JARID2: variants seen among roughly 807,000 people sequenced by gnomAD.
The protein encoded by JARID2 is jumonji and AT-rich interaction domain containing 2.
JARID2 carries 21 observed loss-of-function variants against 125.6 expected under a neutral mutation model. That is an observed-to-expected ratio of 0.17 (90% CI 0.12 to 0.24). JARID2 has a LOEUF of 0.24. JARID2 is among the 10% of genes least tolerant of loss of function. JARID2 has a pLI of 1.00. For missense variants in JARID2, 1,303 were observed against 1,639.6 expected (o/e 0.79, Z 3.55); for synonymous variants, 736 against 661.6 (o/e 1.11, Z -1.73).
At chr6:15,365,460 G>A (rs953699465) in intron 1 of JARID2, among the ~76,000 whole-genome samples, 1 of 152,128 alleles carries the variant, frequency 6.6e-6, no homozygotes, top group Non-Finnish European at 1.5e-5. Context: ...CCTTGACGAC[G>A]GCGGATGTCT....
At chr6:15,391,489 GGA>G (rs1561832377) in intron 2 of JARID2, among the ~76,000 whole-genome samples, 1 of 152,136 alleles carries the variant, frequency 6.6e-6, no homozygotes, top group Non-Finnish European at 1.5e-5. Flanking sequence ...AGTGACTGTG[GGA>G]GAGCATCCGA....
chr6:15,457,627 C>T (rs572650128), intron 4 of JARID2, among the ~76,000 whole-genome samples: 1 of 146,128 alleles, frequency 6.8e-6, no homozygotes, highest in Admixed American at 6.8e-5. Context: ...TTTCCCTTCT[C>T]CAGTCCTCAA....
At position 15,374,111 on chromosome 6, in the gene JARID2, C is replaced by A. The variant is rs751625797; in HGVS notation, c.46-6C>A. The A allele has an allele frequency of 1.2e-6, 2 of 1,612,576 alleles. No individual in the cohort carries two copies. Among genetic ancestry groups the A allele is most frequent in the African/African-American group, 1.3e-5 (1 of 74,962 alleles). On this transcript the variant is annotated splice_polypyrimidine_tract_variant and splice_region_variant and intron_variant, in intron 1 of 17. Transcript: ENST00000341776. Reference sequence around the variant, plus strand: ...GTAACTCCTCTCTTTTCTTATGTTTCTTCAGGATGACAGTGATGGGATTCC... The same window carrying A: ...GTAACTCCTCTCTTTTCTTATGTTTATTCAGGATGACAGTGATGGGATTCC...
intron 1 of JARID2, among the ~76,000 whole-genome samples, chr6:15,304,191 A>T (rs1242303579): frequency 6.6e-6 from 1 of 150,668 alleles, no homozygotes; most frequent in East Asian, 2.0e-4. Context: ...AGGGCTCAGG[A>T]GCCTCAGGAT....
At chr6:15,448,095 G>A (rs913589038) in intron 3 of JARID2, among the ~76,000 whole-genome samples, 7 of 152,128 alleles carry the variant, frequency 4.6e-5, no homozygotes, top group Non-Finnish European at 1.0e-4. Context: ...GACAATACAG[G>A]TTCTTCTGGC....
At chr6:15,424,870 AAACAAC>A (rs565243083) in intron 3 of JARID2, among the ~76,000 whole-genome samples, 9 of 152,168 alleles carry the variant, frequency 5.9e-5, no homozygotes, top group African/African-American at 1.7e-4. Flanking sequence ...AAACAAAACA[AAACAAC>A]AACAACAACA....
intron 1 of JARID2, among the ~76,000 whole-genome samples, chr6:15,273,362 A>G (rs1469984792): frequency 2.6e-5 from 4 of 152,222 alleles, no homozygotes; most frequent in African/African-American, 7.2e-5. Flanking sequence ...TTGACAAACT[A>G]TAAAACCAAG....
intron 3 of JARID2, among the ~76,000 whole-genome samples, chr6:15,429,127 A>G (rs1766864108): frequency 6.6e-6 from 1 of 152,078 alleles, no homozygotes; most frequent in Admixed American, 6.5e-5. Flanking sequence ...TTGAGTAGGG[A>G]TGGGTCCTTG....
chr6:15,390,859 G>A (rs1366788648), intron 2 of JARID2, among the ~76,000 whole-genome samples: 3 of 152,156 alleles, frequency 2.0e-5, no homozygotes, highest in African/African-American at 7.2e-5. Context: ...GTATGTCCCA[G>A]GGTCCCACCA....
At chr6:15,433,302 G>C (rs559666884) in intron 3 of JARID2, among the ~76,000 whole-genome samples, 1 of 152,106 alleles carries the variant, frequency 6.6e-6, no homozygotes, top group East Asian at 1.9e-4. Context: ...CATCTGCCTT[G>C]TGCAGAGAAA....
intron 4 of JARID2, among the ~76,000 whole-genome samples, chr6:15,458,737 C>G (rs1176273913): frequency 6.6e-6 from 1 of 152,178 alleles, no homozygotes; most frequent in Non-Finnish European, 1.5e-5. Context: ...CAAAGGAATG[C>G]TGACATTTGC....
chr6:15,498,661 G>A (rs1233988003), intron 7 of JARID2, among the ~76,000 whole-genome samples: 1 of 152,258 alleles, frequency 6.6e-6, no homozygotes, highest in Non-Finnish European at 1.5e-5. Context: ...TTCCAGGCAG[G>A]ATGGAGGTTT....
intron 1 of JARID2, among the ~76,000 whole-genome samples, chr6:15,349,084 C>T (rs1030124664): frequency 6.6e-6 from 1 of 152,034 alleles, no homozygotes; most frequent in Non-Finnish European, 1.5e-5. Flanking sequence ...CATGAGTTTC[C>T]CTCTTGACCT....
intron 1 of JARID2, among the ~76,000 whole-genome samples, chr6:15,332,201 GATAATTTATTAA>G (rs1762733200): frequency 6.6e-6 from 1 of 152,150 alleles, no homozygotes; most frequent in Non-Finnish European, 1.5e-5. Context: ...AACAACTATT[GATAATTTATTAA>G]TATTTACAGG....
chr6:15,328,583 G>T (rs1214597110), intron 1 of JARID2, among the ~76,000 whole-genome samples: 5 of 152,168 alleles, frequency 3.3e-5, no homozygotes, highest in Admixed American at 2.6e-4. Flanking sequence ...TCCAGAAGCA[G>T]AATTTGATGT....
At chr6:15,439,549 C>T (rs1318105969) in intron 3 of JARID2, among the ~76,000 whole-genome samples, 2 of 152,202 alleles carry the variant, frequency 1.3e-5, no homozygotes, top group African/African-American at 4.8e-5. Flanking sequence ...TTATCATTTC[C>T]TGTCTACAGA....
chr6:15,493,234 G>T (rs1040880634), intron 6 of JARID2, among the ~76,000 whole-genome samples: 1 of 152,112 alleles, frequency 6.6e-6, no homozygotes, highest in African/African-American at 2.4e-5. Flanking sequence ...CGGATTTGTG[G>T]GAACACTGAG....
intron 2 of JARID2, 108 bp from the exon 3 acceptor site, chr6:15,410,116 A>T: frequency 9.8e-7 from 1 of 1,020,850 alleles, no homozygotes; most frequent in Non-Finnish European, 1.4e-6. Flanking sequence ...ATTCTCTTCT[A>T]TCCACATTCT....
intron 1 of JARID2, among the ~76,000 whole-genome samples, chr6:15,265,731 A>G (rs1760059746): frequency 6.6e-6 from 1 of 152,084 alleles, no homozygotes; most frequent in Non-Finnish European, 1.5e-5. Context: ...TTCCCCAGGG[A>G]CCTGATGAGC....
Sources: allele counts gnomAD v4.1 joint callset (sites outside exome capture counted in the v4.1 genomes callset), GRCh38; gene constraint gnomAD v4.1.1; transcripts MANE v1.5; gene names NCBI Gene and HGNC (gene_info 2026-07-23, HGNC 2026-07-21).